RNF17: variants seen among roughly 807,000 people sequenced by gnomAD.
RNF17 encodes ring finger protein 17, also known as spermatogenesis associated 23.
RNF17 carries 31 observed loss-of-function variants against 200.5 expected under a neutral mutation model. That is an observed-to-expected ratio of 0.15 (90% CI 0.12 to 0.21). The LOEUF is 0.21. Among genes scored for constraint, RNF17 ranks in the 10% least tolerant of loss-of-function variants. The pLI, the probability that RNF17 is intolerant of heterozygous loss-of-function variation, is 1.00. For synonymous variants in RNF17, 606 were observed against 637.8 expected (o/e 0.95, Z 0.75); for missense variants, 1,628 against 1,905.1 (o/e 0.85, Z 2.71).
chr13:24,854,467 A>G (rs979692210), intron 25 of RNF17, among the ~76,000 whole-genome samples: 1 of 148,968 alleles, frequency 6.7e-6, no homozygotes, highest in Non-Finnish European at 1.5e-5. Context: ...TCAGATGCCA[A>G]TTTTTTTTTT....
intron 16 of RNF17, among the ~76,000 whole-genome samples, chr13:24,827,628 G>A (rs1888834558): frequency 7.0e-6 from 1 of 143,716 alleles, no homozygotes; most frequent in Non-Finnish European, 1.5e-5. Flanking sequence ...CGTGAACCCG[G>A]GAGGCGGAGC....
At chr13:24,780,467 A>G (rs1490352299) in intron 5 of RNF17, among the ~76,000 whole-genome samples, 3 of 152,206 alleles carry the variant, frequency 2.0e-5, no homozygotes, top group Non-Finnish European at 2.9e-5. Flanking sequence ...ACACAATCCA[A>G]CTAAAAACAG....
chr13:24,789,294 C>T, intron 7 of RNF17, 54 bp from the exon 8 acceptor site: 1 of 1,159,550 alleles, frequency 8.6e-7, no homozygotes, highest in Non-Finnish European at 1.3e-6. Context: ...TCTTACTGTT[C>T]AGCAATATTT....
chr13:24,853,773 T>G, intron 24 of RNF17, 82 bp from the exon 25 acceptor site: 2 of 1,036,566 alleles, frequency 1.9e-6, no homozygotes, highest in East Asian at 2.6e-5. Context: ...TTCATGTATA[T>G]CTGAATGATT....
At chr13:24,834,440 C>CAAA (rs1351360009) in intron 18 of RNF17, among the ~76,000 whole-genome samples, 26 of 151,436 alleles carry the variant, frequency 1.7e-4, no homozygotes, top group Non-Finnish European at 1.9e-4. Flanking sequence ...ACAAGAACAA[C>CAAA]AAAAAAGCAA....
At chr13:24,753,746 C>T in the RNF17 span, among the ~76,000 whole-genome samples, 1 of 152,182 alleles carries the variant, frequency 6.6e-6, no homozygotes, top group African/African-American at 2.4e-5. Flanking sequence ...TCTTGTCCCC[C>T]ATTAAAAATG....
At chr13:24,771,726 T>G (rs1880741686) in intron 2 of RNF17, among the ~76,000 whole-genome samples, 1 of 151,614 alleles carries the variant, frequency 6.6e-6, no homozygotes, top group Admixed American at 6.6e-5. Flanking sequence ...TAAAGAAGTA[T>G]ATGTTGGCTG....
At position 24,799,484 on chromosome 13, in the gene RNF17, A is replaced by C; in HGVS notation, c.1489A>C (p.Arg497=). 1 of 1,610,576 alleles carries C rather than the reference A, an allele frequency of 6.2e-7. No homozygotes were observed. Among genetic ancestry groups the C allele is most frequent in the East Asian group, 2.2e-5 (1 of 44,750 alleles). ...ELIPIEGRNT[R]KPCSPTRLFV... ...AATTCCAATAGAGGGTAGAAATACC[A>C]GAAAACCTTGTAGTCCAACCAGATT... The change falls in exon 12 of 36, where the codon AGA becomes CGA. Residue 497 remains arginine (R), a synonymous_variant. Coordinates refer to ENST00000255324, the MANE Select transcript of RNF17 (RefSeq NM_031277.3).
chr13:24,757,537 TG>T, the RNF17 span, among the ~76,000 whole-genome samples: 3 of 152,114 alleles, frequency 2.0e-5, no homozygotes, highest in South Asian at 2.1e-4. Context: ...TTAGCCAGGC[TG>T]GTCTCGAATT....
At chr13:24,809,088 A>T (rs1316570312) in intron 15 of RNF17, among the ~76,000 whole-genome samples, 1 of 151,544 alleles carries the variant, frequency 6.6e-6, no homozygotes, top group African/African-American at 2.4e-5. Flanking sequence ...TTCATCAAGG[A>T]TATCGGTCTA....
downstream of RNF17, among the ~76,000 whole-genome samples, chr13:24,881,987 T>G (rs1280159339): frequency 1.5e-3 from 45 of 29,436 alleles, no homozygotes; most frequent in South Asian, 1.0e-2. Flanking sequence ...CATCTAGATA[T>G]ATAGATACAT....
chr13:24,884,744 G>C (rs1401633945), downstream of RNF17, among the ~76,000 whole-genome samples: 1 of 152,102 alleles, frequency 6.6e-6, no homozygotes, highest in African/African-American at 2.4e-5. Flanking sequence ...CTACTGCTTT[G>C]CCTGTTGTTC....
intron 22 of RNF17, among the ~76,000 whole-genome samples, chr13:24,849,637 T>C (rs1282376079): frequency 2.0e-5 from 3 of 152,226 alleles, no homozygotes; most frequent in Non-Finnish European, 4.4e-5. Flanking sequence ...CTGTCAGATA[T>C]TTATTGAGCA....
chr13:24,756,384 A>G, the RNF17 span, among the ~76,000 whole-genome samples: 1 of 152,216 alleles, frequency 6.6e-6, no homozygotes, highest in Non-Finnish European at 1.5e-5. Flanking sequence ...TTAAAATTTG[A>G]CTACATGAAA....
In RNF17 at chr13:24,795,606, C is replaced by A. The variant is rs528896208; in HGVS notation, c.1241-531C>A. 5.9e-5 allele frequency among the ~76,000 whole-genome samples: 9 copies of A among 152,226 alleles called. No individual in the cohort carries two copies. In the East Asian group the frequency reaches 1.5e-3, roughly 26 times the overall value. On this transcript the variant is annotated intron_variant, in intron 10 of 35. Transcript: ENST00000255324. The stretch of plus-strand genomic sequence containing the variant: ...CACACGCATTCCCCTAAATGCTGCT[C>A]AGTACTTTGGCTTTGCCTAGACATT...
intron 10 of RNF17, among the ~76,000 whole-genome samples, chr13:24,793,705 C>T (rs905590964): frequency 5.3e-5 from 8 of 152,290 alleles, no homozygotes; most frequent in African/African-American, 1.7e-4. Context: ...AAGAACATCT[C>T]TTCAATCTTT....
intron 15 of RNF17, among the ~76,000 whole-genome samples, chr13:24,815,294 T>C (rs1254045590): frequency 6.6e-6 from 1 of 152,206 alleles, no homozygotes; most frequent in Non-Finnish European, 1.5e-5. Context: ...TTTTAGATGT[T>C]GTTGTAAACG....
At chr13:24,886,219 ATTGTAAACAC>A in the RNF17 span, 1 of 895,704 alleles carries the variant, frequency 1.1e-6, no homozygotes, top group Non-Finnish European at 1.6e-6. Flanking sequence ...AATGGATCAT[ATTGTAAACAC>A]TCAACTTGGA....
At chr13:24,768,742 A>G (rs1880174551) in intron 2 of RNF17, among the ~76,000 whole-genome samples, 1 of 152,004 alleles carries the variant, frequency 6.6e-6, no homozygotes, top group Non-Finnish European at 1.5e-5. Context: ...TGTGAGATGG[A>G]TATAATACCT....
Sources: gnomAD v4.1 joint callset for allele counts (sites outside exome capture counted in the v4.1 genomes callset) on GRCh38, gnomAD v4.1.1 for gene constraint, MANE v1.5 for transcripts, NCBI Gene and HGNC (gene_info 2026-07-23, HGNC 2026-07-21) for gene names.